Variants in GINS4 observed in about 807,000 individuals in gnomAD.
GINS4 encodes DNA replication complex GINS protein SLD5.
In GINS4, 20 loss-of-function variants were observed where a neutral mutation model predicts 31.1. The ratio of observed to expected loss-of-function variants is 0.64; its 90% CI spans 0.45 to 0.93. The LOEUF is 0.93. GINS4 is among the 40% of genes least tolerant of loss of function. The pLI is 0.00. For missense variants in GINS4, 245 were observed against 273.9 expected (o/e 0.89, Z 0.75); for synonymous variants, 85 against 97.9 (o/e 0.87, Z 0.78).
intron 4 of GINS4, among the ~76,000 whole-genome samples, chr8:41,539,282 T>G (rs2150460730): frequency 7.7e-6 from 1 of 129,434 alleles, no homozygotes; most frequent in East Asian, 2.2e-4. Context: ...ATCACACCAC[T>G]GCATTCCAGC....
At chr8:41,540,314 C>T (rs1585623821) in intron 6 of GINS4, 1 of 416,656 alleles carries the variant, frequency 2.4e-6, no homozygotes, top group Non-Finnish European at 4.5e-6. Context: ...TGCTGGCAGC[C>T]CCGAGTACCA....
Position 41,530,297 on chromosome 8 carries a change from A to C in GINS4, c.95A>C (p.Gln32Pro), listed in dbSNP as rs771125229. Residue 32 changes from glutamine to proline, a missense_variant and splice_region_variant, in exon 2 of 8, where the codon CAG (glutamine) becomes CCG (proline). Coordinates refer to ENST00000276533, the MANE Select transcript of GINS4 (RefSeq NM_032336.3). ...TPAELIERLE[Q>P]AWMNEKFAPE... ...GCAGAGCTCATTGAAAGATTGGAGC[A>C]GGTAAGCATCCCAGATCGAATCCCT... The C allele has an allele frequency of 1.2e-6, 2 of 1,609,356 alleles. No individual in the cohort carries two copies. Among genetic ancestry groups the C allele is most frequent in the South Asian group, 2.2e-5 (2 of 90,878 alleles).
Position 41,530,974 on chromosome 8 carries a change from A to C in GINS4, c.96+676A>C, listed in dbSNP as rs555717929. Among the ~76,000 whole-genome samples the C allele has an allele frequency of 2.4e-3, 368 of 152,294 alleles. 1 individual carries two copies. The highest frequency in any genetic ancestry group is 3.9e-3 in the Non-Finnish European group (265 of 68,022). On this transcript the variant is annotated intron_variant, in intron 2 of 7. Coordinates refer to ENST00000276533, the MANE Select transcript of GINS4 (RefSeq NM_032336.3). The stretch of plus-strand genomic sequence containing the variant: ...TTGTCTCAAGCCGTTGCTTGCCTAT[A>C]AAATTGAGACAATAGGGCCGGGCAC...
chr8:41,530,036 A>C (rs899114621), intron 1 of GINS4, 148 bp from the exon 2 acceptor site: 1 of 573,500 alleles, frequency 1.7e-6, no homozygotes, highest in Admixed American at 3.3e-5. Context: ...CTGGAAAACT[A>C]GAGTCCCTGC....
chr8:41,541,737 T>C, intron 6 of GINS4, 72 bp from the exon 7 acceptor site: 1 of 1,215,966 alleles, frequency 8.2e-7, no homozygotes. Flanking sequence ...CATACCATTC[T>C]TCCCAGCAAC....
chr8:41,535,568 A>G (rs1317769355), intron 2 of GINS4, among the ~76,000 whole-genome samples: 1 of 152,176 alleles, frequency 6.6e-6, no homozygotes, highest in Non-Finnish European at 1.5e-5. Flanking sequence ...CATGGGGAGA[A>G]GCAGACACTC....
At chr8:41,537,445 G>A (rs1271859857) in intron 4 of GINS4, 152 bp downstream of exon 4, 8 of 584,162 alleles carry the variant, frequency 1.4e-5, no homozygotes, top group Admixed American at 9.2e-5. Context: ...ACTGTAAGGA[G>A]AGCGAGAGAT....
In GINS4 at chr8:41,542,931, C is replaced by G. The variant is rs999922012; in HGVS notation, c.*844C>G. ...CGGAGCAGCAGAGGCTCTCAGCACG[C>G]CTTTTCCCTTTGTAGTATTTTCTGA... On this transcript the variant is annotated 3_prime_UTR_variant, in exon 8 of 8. Coordinates refer to ENST00000276533, the MANE Select transcript of GINS4 (RefSeq NM_032336.3). 7 of 152,220 alleles carry G rather than the reference C, an allele frequency of 4.6e-5. No individual in the cohort carries two copies. Among genetic ancestry groups the G allele is most frequent in the East Asian group, 1.9e-4 (1 of 5,186 alleles). 9.4% of individuals were successfully genotyped at this position (152,220 alleles called of 1,614,324 possible).
At chr8:41,540,652 A>C (rs1162030270) in intron 6 of GINS4, among the ~76,000 whole-genome samples, 1 of 152,234 alleles carries the variant, frequency 6.6e-6, no homozygotes, top group African/African-American at 2.4e-5. Flanking sequence ...GCCCTGGCTT[A>C]CAGGATAAAG....
chr8:41,533,662 T>G (rs1806688677), intron 2 of GINS4, among the ~76,000 whole-genome samples: 1 of 152,240 alleles, frequency 6.6e-6, no homozygotes, highest in South Asian at 2.1e-4. Flanking sequence ...TTAATGCCTG[T>G]AAAAAGTGAT....
intron 6 of GINS4, among the ~76,000 whole-genome samples, chr8:41,541,341 T>A (rs2150461967): frequency 6.6e-6 from 1 of 152,332 alleles, no homozygotes; most frequent in Admixed American, 6.5e-5. Flanking sequence ...CTCAAAATGC[T>A]GAGATCACAG....
intron 4 of GINS4, among the ~76,000 whole-genome samples, chr8:41,539,419 T>A (rs1356633014): frequency 6.6e-6 from 1 of 151,748 alleles, no homozygotes; most frequent in Non-Finnish European, 1.5e-5. Context: ...ATCTACCCAT[T>A]GAGTCAGCAT....
rs1312422953 is a variant in GINS4 at position 41,544,097 on chromosome 8, G to T, written c.*2010G>T. Reference sequence around the variant, plus strand: ...AGAGACAACATTTAGGCTGAGATCTGATTAACAGGAGGCAGCTGCAGTGCA... The same window carrying T: ...AGAGACAACATTTAGGCTGAGATCTTATTAACAGGAGGCAGCTGCAGTGCA... On this transcript the variant is annotated 3_prime_UTR_variant, in exon 8 of 8. Coordinates refer to ENST00000276533, the MANE Select transcript of GINS4 (RefSeq NM_032336.3). The T allele has an allele frequency of 6.6e-6, 1 of 152,336 alleles. No individual in the cohort carries two copies. Among genetic ancestry groups the T allele is most frequent in the East Asian group, 1.9e-4 (1 of 5,200 alleles). The allele number at this position is 152,336 out of a possible 1,614,324, so 9.4% of individuals were successfully genotyped here. A position where few individuals can be genotyped will look rare whatever the true frequency, so the allele number is the denominator to read the frequency against.
intron 2 of GINS4, among the ~76,000 whole-genome samples, chr8:41,532,895 T>G (rs1469393519): frequency 1.3e-5 from 2 of 150,008 alleles, no homozygotes; most frequent in African/African-American, 4.9e-5. Flanking sequence ...GGGATATAAA[T>G]AGGTATAATC....
At position 41,544,144 on chromosome 8, in the gene GINS4, C is replaced by T. The variant is rs1351744341; in HGVS notation, c.*2057C>T. The T allele has an allele frequency of 6.6e-6, 1 of 152,230 alleles. No individual in the cohort carries two copies. The highest frequency in any genetic ancestry group is 2.1e-4 in the South Asian group (1 of 4,822). The allele number at this position is 152,230 out of a possible 1,614,324, so 9.4% of individuals were successfully genotyped here. A position where few individuals can be genotyped will look rare whatever the true frequency, so the allele number is the denominator to read the frequency against. ...TGCAGAGGTCAAAAGGGAGGGTGTT[C>T]CAGGCAGAGAAAACAGCCTGTGCAA... On this transcript the variant is annotated 3_prime_UTR_variant, in exon 8 of 8. Transcript: ENST00000276533.
At chr8:41,540,821 G>T (rs552842372) in intron 6 of GINS4, among the ~76,000 whole-genome samples, 1 of 152,190 alleles carries the variant, frequency 6.6e-6, no homozygotes. Context: ...CCACCCCTGC[G>T]GTGGTGGAAC....
chr8:41,537,125 G>T, intron 3 of GINS4, 55 bp from the exon 4 acceptor site: 2 of 1,134,804 alleles, frequency 1.8e-6, no homozygotes, highest in East Asian at 2.5e-5. Context: ...CAACGTTGCC[G>T]GTGATGATGG....
At chr8:41,538,342 T>C (rs1384055641) in intron 4 of GINS4, among the ~76,000 whole-genome samples, 1 of 152,232 alleles carries the variant, frequency 6.6e-6, no homozygotes, top group African/African-American at 2.4e-5. Context: ...TTGACCAAGT[T>C]TGTGAAAAAC....
chr8:41,536,997 C>G (rs1806750539), intron 3 of GINS4, 183 bp from the exon 4 acceptor site: 1 of 554,468 alleles, frequency 1.8e-6, no homozygotes, highest in South Asian at 2.0e-5. Flanking sequence ...TGAACAGATT[C>G]TATTCAAATG....
Sources: allele counts gnomAD v4.1 joint callset (sites outside exome capture counted in the v4.1 genomes callset), GRCh38; gene constraint gnomAD v4.1.1; transcripts MANE v1.5; gene names NCBI Gene and HGNC (gene_info 2026-07-23, HGNC 2026-07-21).